The following SERINC2 variants were observed in gnomAD, a reference collection of about 807,000 sequenced individuals.
SERINC2 encodes tumor differentially expressed protein 2.
SERINC2 carries 56 observed loss-of-function variants against 54.2 expected under a neutral mutation model. The observed-to-expected ratio is 1.03, with a 90% CI of 0.83 to 1.29. The LOEUF is 1.29. Ranked by LOEUF, SERINC2 falls within the 50% of genes most tolerant of loss-of-function variation. The pLI, the probability that SERINC2 is intolerant of heterozygous loss-of-function variation, is 0.00. For synonymous variants in SERINC2, 272 were observed against 253.1 expected, an observed-to-expected ratio of 1.07 and a Z score of -0.71; for missense variants, 614 against 607.4, an observed-to-expected ratio of 1.01 and a Z score of -0.12.
At chr1:31,431,594 T>A (rs1445641872) in intron 8 of SERINC2, among the ~76,000 whole-genome samples, 1 of 152,156 alleles carries the variant, frequency 6.6e-6, no homozygotes, top group Non-Finnish European at 1.5e-5. Flanking sequence ...CACCCACAGC[T>A]CCCTGGCACA....
upstream of SERINC2, among the ~76,000 whole-genome samples, chr1:31,411,462 T>C (rs1640647295): frequency 6.6e-6 from 1 of 152,196 alleles, no homozygotes; most frequent in Non-Finnish European, 1.5e-5. Context: ...AATCGACTTC[T>C]CAGGGCTGTT....
Position 31,413,407 on chromosome 1 carries a change from T to A in SERINC2, c.39+103T>A. 3.3e-6 allele frequency: 2 copies of A among 612,876 alleles called. No individual in the cohort carries two copies. The highest frequency in any genetic ancestry group is 4.6e-6 in the Non-Finnish European group (2 of 434,314). 38.0% of individuals were successfully genotyped at this position (612,876 alleles called of 1,614,324 possible). A position where few individuals can be genotyped will look rare whatever the true frequency, so the allele number is the denominator to read the frequency against. ...CGAGTAGTTTCTTCTTTTTCCTTCCTGCAAACTTGTCTTTCTGGGCCGGTG... is the reference window on the plus strand; with the variant it reads ...CGAGTAGTTTCTTCTTTTTCCTTCCAGCAAACTTGTCTTTCTGGGCCGGTG... On this transcript the variant is annotated intron_variant, in intron 1 of 9. Transcript: ENST00000373709. The surrounding 1 kb of genome is among the most constrained non-coding windows in gnomAD (Gnocchi z 5.0).
In SERINC2 at chr1:31,424,798, CCTT is replaced by C. The variant is rs374904971; in HGVS notation, c.327_329del (p.Phe111del). 1.0e-4 allele frequency: 165 copies of C among 1,612,062 alleles called. No homozygotes were observed. The highest frequency in any genetic ancestry group is 8.9e-4 in the African/African-American group (67 of 75,024). ...TACCGCATGTGCTTCGCCACGGCGG[CCTT>C]CTTCTTCTTTTTCACCCTGCTCATG... On this transcript the variant is annotated inframe_deletion, in exon 3 of 10. Coordinates refer to ENST00000373709, the MANE Select transcript of SERINC2 (RefSeq NM_178865.5).
At position 31,413,759 on chromosome 1, in the gene SERINC2, C is replaced by G; in HGVS notation, c.39+455C>G. The G allele has an allele frequency of 7.2e-7, 1 of 1,380,208 alleles. No homozygotes were observed. The highest frequency in any genetic ancestry group is 9.3e-7 in the Non-Finnish European group (1 of 1,074,052). 85.5% of individuals were successfully genotyped at this position (1,380,208 alleles called of 1,614,324 possible). A position where few individuals can be genotyped will look rare whatever the true frequency, so the allele number is the denominator to read the frequency against. ...CTGGCGAGTGCCCTGCCCTACCCCT[C>G]TGGCCGCCTGCCAGTCCGCCTGTTC... On this transcript the variant is annotated intron_variant, in intron 1 of 9. Coordinates refer to ENST00000373709, the MANE Select transcript of SERINC2 (RefSeq NM_178865.5). This position sits in a 1 kb window ranked among gnomAD's most constrained non-coding sequence, Gnocchi z 5.0.
intron 8 of SERINC2, among the ~76,000 whole-genome samples, chr1:31,431,813 A>ATAGGGTGGATAGGGTGGT (rs1641226770): frequency 6.7e-5 from 5 of 75,084 alleles, no homozygotes; most frequent in Admixed American, 1.4e-4. Context: ...GACAGGGTGG[A>ATAGGGTGGATAGGGTGGT]CAGGGTGGAT....
At chr1:31,431,297 A>G (rs1159816218) in intron 8 of SERINC2, among the ~76,000 whole-genome samples, 5 of 110,300 alleles carry the variant, frequency 4.5e-5, no homozygotes, top group South Asian at 6.0e-4. Flanking sequence ...GCTACTTAAA[A>G]AAACATTTTT....
At position 31,429,057 on chromosome 1, in the gene SERINC2, C is replaced by A. The variant is rs1553134036; in HGVS notation, c.860C>A (p.Ser287Tyr). 5.6e-6 allele frequency: 9 copies of A among 1,613,548 alleles called. No homozygotes were observed. In the South Asian group the frequency reaches 7.7e-5, roughly 14 times the overall value. ...ATGTTTGTCACCTGGTCAGCCCTAT[C>A]CAGTATCCCTGGTAAGTATGGGCCC... ...YTMFVTWSALSSIPEQKCNPH... is the reference protein window; with the variant it reads ...YTMFVTWSALYSIPEQKCNPH... The change falls in exon 7 of 10, where the codon TCC becomes TAC. Residue 287 changes from serine (S) to tyrosine (Y), a missense_variant. Ser to Tyr is a moderately radical substitution (Grantham distance 144). Transcript: ENST00000373709.
At chr1:31,425,615 C>T (rs572106972) in intron 4 of SERINC2, among the ~76,000 whole-genome samples, 161 bp from the exon 5 acceptor site, 2 of 152,300 alleles carry the variant, frequency 1.3e-5, no homozygotes, top group African/African-American at 2.4e-5. Flanking sequence ...CTGTCTTGCC[C>T]CGACCCATAT....
upstream of SERINC2, among the ~76,000 whole-genome samples, chr1:31,412,305 A>T (rs782586818): frequency 6.6e-6 from 1 of 152,146 alleles, no homozygotes; most frequent in Non-Finnish European, 1.5e-5. Flanking sequence ...CTGGAAAGCC[A>T]TCTGTCAGGA....
At chr1:31,419,228 C>A (rs1640849178) in intron 1 of SERINC2, among the ~76,000 whole-genome samples, 1 of 152,324 alleles carries the variant, frequency 6.6e-6, no homozygotes, top group Non-Finnish European at 1.5e-5. Context: ...CCAGGGAATT[C>A]ATCTTTCTGG....
rs374158895 is a variant in SERINC2, at chr1:31,426,842, C to T, written c.780+19C>T. ...GGTCCAGGTGAGCCTGCCTGACCCC[C>T]CCTGGCCTGAAGCCCGGCCCCTTAG... On this transcript the variant is annotated intron_variant, in intron 6 of 9. Coordinates refer to ENST00000373709, the MANE Select transcript of SERINC2 (RefSeq NM_178865.5). 7.5e-6 allele frequency: 12 copies of T among 1,608,314 alleles called. No homozygotes were observed. The highest frequency in any genetic ancestry group is 2.2e-5 in the East Asian group (1 of 44,726).
intron 6 of SERINC2, among the ~76,000 whole-genome samples, chr1:31,428,624 G>A (rs571658065): frequency 5.6e-4 from 85 of 152,274 alleles, no homozygotes; most frequent in Non-Finnish European, 1.1e-3. Flanking sequence ...AGGGCACAGC[G>A]ACGGCAAAGG....
In SERINC2 at chr1:31,425,355, C is replaced by A. The variant is rs199692316; in HGVS notation, c.418C>A (p.Leu140Met). The A allele has an allele frequency of 2.5e-6, 4 of 1,613,242 alleles. No homozygotes were observed. The highest frequency in any genetic ancestry group is 2.5e-6 in the Non-Finnish European group (3 of 1,179,148). ...GTTTTGGTTCTTTAAGTTCCTGATC[C>A]TGGTGGGCCTCACCGTGGGTGCCTT... is the stretch of plus-strand genomic sequence containing the variant. ...NGFWFFKFLI[L>M]VGLTVGAFYI... Residue 140 changes from leucine (L) to methionine (M), a missense_variant, in exon 4 of 10, where the codon CTG (leucine) becomes ATG (methionine). Physicochemically the swap from Leu to Met is conservative, Grantham distance 15. Transcript: ENST00000373709.
At chr1:31,432,349 T>C (rs983651238) in intron 8 of SERINC2, among the ~76,000 whole-genome samples, 1 of 151,938 alleles carries the variant, frequency 6.6e-6, no homozygotes, top group Non-Finnish European at 1.5e-5. Context: ...AAAATTTTTA[T>C]GTCTCAAACT....
chr1:31,425,517 C>A, intron 4 of SERINC2, 108 bp downstream of exon 4: 1 of 967,834 alleles, frequency 1.0e-6, no homozygotes, highest in Non-Finnish European at 1.7e-6. Context: ...AGACCCCTGG[C>A]TGCTGGCTAG....
At chr1:31,419,552 G>A (rs1048199111) in intron 1 of SERINC2, among the ~76,000 whole-genome samples, 2 of 152,220 alleles carry the variant, frequency 1.3e-5, no homozygotes, top group African/African-American at 2.4e-5. Context: ...TAATGGCCAG[G>A]CATGGTGGCT....
At chr1:31,414,718 G>A (rs1640742893) in intron 1 of SERINC2, 1 of 985,456 alleles carries the variant, frequency 1.0e-6, no homozygotes, top group African/African-American at 1.7e-5. Context: ...ACAAGGGTTT[G>A]CTTCCTGGTG....
Position 31,413,286 on chromosome 1 carries a change from C to T in SERINC2, c.21C>T (p.Ala7=), listed in dbSNP as rs1553131724. 4.7e-6 allele frequency: 6 copies of T among 1,273,154 alleles called. No homozygotes were observed. Among genetic ancestry groups the T allele is most frequent in the East Asian group, 3.2e-5 (1 of 31,398 alleles). 78.9% of individuals were successfully genotyped at this position (1,273,154 alleles called of 1,614,324 possible). The change falls in exon 1 of 10, where the codon GCC becomes GCT. Residue 7 remains alanine (A), a synonymous_variant. Transcript: ENST00000373709. The surrounding 1 kb of genome is among the most constrained non-coding windows in gnomAD (Gnocchi z 5.0). MGACLG[A]CSLLSCASCL... Reference sequence around the variant, plus strand: ...CCGCCATGGGGGCCTGCCTGGGAGCCTGCTCCCTGCTCAGCTGCGTGAGTC... The same window carrying T: ...CCGCCATGGGGGCCTGCCTGGGAGCTTGCTCCCTGCTCAGCTGCGTGAGTC...
chr1:31,431,845 G>A (rs886146417), intron 8 of SERINC2, among the ~76,000 whole-genome samples: 55 of 147,050 alleles, frequency 3.7e-4, no homozygotes, highest in African/African-American at 8.8e-4. Context: ...GGTGGATAGG[G>A]TGGATAGGGT....
Sources: gnomAD v4.1 joint callset for allele counts (sites outside exome capture counted in the v4.1 genomes callset) on GRCh38, gnomAD v4.1.1 for gene constraint, Gnocchi (gnomAD v3.1) non-coding constraint, MANE v1.5 for transcripts, NCBI Gene and HGNC (gene_info 2026-07-23, HGNC 2026-07-21) for gene names.